Variants in SLCO4C1 observed in about 807,000 individuals in gnomAD.
SLCO4C1 encodes the protein solute carrier organic anion transporter family member 4C1.
SLCO4C1 carries 58 observed loss-of-function variants against 72.1 expected under a neutral mutation model. That is an observed-to-expected ratio of 0.80 (90% confidence interval 0.65 to 1.00). The LOEUF (loss-of-function observed/expected upper bound fraction) is 1.00, where lower values mean the gene tolerates loss of function less well. SLCO4C1 is among the 50% of genes least tolerant of loss of function. The pLI is 0.00. For synonymous variants in SLCO4C1, 297 were observed against 312.5 expected, an observed-to-expected ratio of 0.95 and a Z score of 0.52; for missense variants, 898 against 857.9, an observed-to-expected ratio of 1.05 and a Z score of -0.58.
intron 4 of SLCO4C1, among the ~76,000 whole-genome samples, chr5:102,262,360 G>A (rs1011386297): frequency 3.3e-5 from 5 of 152,106 alleles, no homozygotes; most frequent in Non-Finnish European, 7.4e-5. Context: ...CTTCTCTACT[G>A]TATTAAATTA....
rs1429138273 is a variant in SLCO4C1 at position 102,249,720 on chromosome 5, T to A, written c.1538A>T (p.Tyr513Phe). The A allele has an allele frequency of 3.7e-6, 6 of 1,614,000 alleles. No individual in the cohort carries two copies. The highest frequency in any genetic ancestry group is 5.1e-6 in the Non-Finnish European group (6 of 1,179,942). The change falls in exon 9 of 13, where the codon TAT (tyrosine) becomes TTT (phenylalanine). Residue 513 changes from tyrosine to phenylalanine, a missense_variant. Tyr to Phe is a conservative substitution (Grantham distance 22). Coordinates refer to ENST00000310954, the MANE Select transcript of SLCO4C1 (RefSeq NM_180991.5). ...TTGGACTCCATCTCCACAGACAGGA[T>A]AATAATATGATCGCGAACAGTTACA... ...ANCNCSRSYY[Y>F]PVCGDGVQYF...
chr5:102,253,004 T>C (rs1298172730), intron 8 of SLCO4C1, among the ~76,000 whole-genome samples: 1 of 152,192 alleles, frequency 6.6e-6, no homozygotes, highest in Non-Finnish European at 1.5e-5. Context: ...ATTATGCCTC[T>C]ATAACAGGCT....
intron 3 of SLCO4C1, among the ~76,000 whole-genome samples, chr5:102,266,810 C>T (rs990547317): frequency 6.6e-6 from 1 of 152,040 alleles, no homozygotes; most frequent in African/African-American, 2.4e-5. Context: ...CCTTTTATAC[C>T]TAATTTCTTA....
intron 8 of SLCO4C1, among the ~76,000 whole-genome samples, chr5:102,253,005 A>G (rs1326939887): frequency 1.3e-5 from 2 of 152,210 alleles, no homozygotes; most frequent in African/African-American, 4.8e-5. Context: ...TTATGCCTCT[A>G]TAACAGGCTA....
At chr5:102,254,724 C>T (rs1748802918) in intron 8 of SLCO4C1, among the ~76,000 whole-genome samples, 1 of 152,160 alleles carries the variant, frequency 6.6e-6, no homozygotes, top group Non-Finnish European at 1.5e-5. Context: ...AAGGTATATA[C>T]ATTGTACATT....
At chr5:102,251,217 T>C (rs1561368363) in intron 8 of SLCO4C1, among the ~76,000 whole-genome samples, 2 of 152,128 alleles carry the variant, frequency 1.3e-5, no homozygotes, top group Admixed American at 6.5e-5. Context: ...AGGTAATCGT[T>C]AAGGTATTTT....
At chr5:102,250,538 A>G (rs1748719431) in intron 8 of SLCO4C1, among the ~76,000 whole-genome samples, 1 of 152,178 alleles carries the variant, frequency 6.6e-6, no homozygotes, top group Non-Finnish European at 1.5e-5. Flanking sequence ...CACAGTTTAG[A>G]AGTAGAGAGG....
At chr5:102,269,425 T>C (rs547650187) in intron 3 of SLCO4C1, among the ~76,000 whole-genome samples, 1 of 152,262 alleles carries the variant, frequency 6.6e-6, no homozygotes, top group Middle Eastern at 3.4e-3. Flanking sequence ...TGGTCAGAAA[T>C]TCTTTCTGTT....
chr5:102,239,120 A>G (rs1748490072), intron 12 of SLCO4C1, 131 bp downstream of exon 12: 31 of 685,278 alleles, frequency 4.5e-5, no homozygotes, highest in Non-Finnish European at 6.6e-5. Flanking sequence ...TGCTTCAGGA[A>G]GACTACTGGA....
Position 102,259,456 on chromosome 5 carries a change from T to C in SLCO4C1, c.1128+757A>G, listed in dbSNP as rs536517358. On this transcript the variant is annotated intron_variant, in intron 6 of 12. Coordinates refer to ENST00000310954, the MANE Select transcript of SLCO4C1 (RefSeq NM_180991.5). ...TATCAGCAAAACACAAGAATGTGCA[T>C]GTATGGTGTGGAGAGTTGAAAGATG... 3.8e-3 allele frequency among the ~76,000 whole-genome samples: 571 copies of C among 152,200 alleles called. 10 individuals carry two copies. The highest frequency in any genetic ancestry group is 8.7e-4 in the Non-Finnish European group (59 of 67,968).
intron 2 of SLCO4C1, among the ~76,000 whole-genome samples, chr5:102,287,882 G>A (rs917466035): frequency 4.0e-5 from 6 of 151,712 alleles, no homozygotes; most frequent in Non-Finnish European, 7.4e-5. Context: ...CATCCCTTCC[G>A]TTTCTAAATG....
chr5:102,252,540 C>G (rs1329729409), intron 8 of SLCO4C1, among the ~76,000 whole-genome samples: 3 of 152,098 alleles, frequency 2.0e-5, no homozygotes, highest in Non-Finnish European at 4.4e-5. Context: ...AACATAGATG[C>G]AGAAATAAGA....
rs559042990 is a variant in SLCO4C1 at position 102,268,768 on chromosome 5, T to C, written c.802+1856A>G. Among the ~76,000 whole-genome samples the C allele has an allele frequency of 5.9e-5, 9 of 152,268 alleles. No homozygotes were observed. In the East Asian group the frequency reaches 1.5e-3, roughly 26 times the overall value. ...ATTGAGTTTTATGCTTTCACTTGTGTTCAGGGTGGTAATTATTGTCCTTTT... is the reference window on the plus strand; with the variant it reads ...ATTGAGTTTTATGCTTTCACTTGTGCTCAGGGTGGTAATTATTGTCCTTTT... On this transcript the variant is annotated intron_variant, in intron 3 of 12. Transcript: ENST00000310954.
At chr5:102,240,273 T>C (rs966621958) in intron 11 of SLCO4C1, among the ~76,000 whole-genome samples, 11 of 152,234 alleles carry the variant, frequency 7.2e-5, no homozygotes, top group Admixed American at 4.6e-4. Flanking sequence ...GTCCTGTACC[T>C]GGAACTTTAT....
At chr5:102,289,018 T>C (rs1200174036) in intron 2 of SLCO4C1, among the ~76,000 whole-genome samples, 2 of 152,210 alleles carry the variant, frequency 1.3e-5, no homozygotes, top group Non-Finnish European at 2.9e-5. Context: ...ATATATTGTA[T>C]GAATGGCAGA....
intron 2 of SLCO4C1, among the ~76,000 whole-genome samples, chr5:102,273,837 GATT>G (rs1749197921): frequency 6.6e-6 from 1 of 152,072 alleles, no homozygotes; most frequent in East Asian, 1.9e-4. Flanking sequence ...AATTTTGTGA[GATT>G]ATTAGTTGAG....
At chr5:102,239,836 A>G (rs1181079997) in intron 11 of SLCO4C1, among the ~76,000 whole-genome samples, 3 of 152,106 alleles carry the variant, frequency 2.0e-5, no homozygotes, top group Non-Finnish European at 4.4e-5. Context: ...TGTATGTATT[A>G]GTGTATGTAT....
intron 1 of SLCO4C1, among the ~76,000 whole-genome samples, chr5:102,293,564 G>T (rs1749593998): frequency 6.6e-6 from 1 of 152,024 alleles, no homozygotes; most frequent in Admixed American, 6.6e-5. Context: ...AGAAATGCTG[G>T]GTTAAATAAA....
At chr5:102,279,736 G>T (rs1236822913) in intron 2 of SLCO4C1, among the ~76,000 whole-genome samples, 1 of 151,936 alleles carries the variant, frequency 6.6e-6, no homozygotes. Flanking sequence ...GCCAGGTGAG[G>T]TTTATTCTGG....
Sources: allele counts gnomAD v4.1 joint callset (sites outside exome capture counted in the v4.1 genomes callset), GRCh38; gene constraint gnomAD v4.1.1; transcripts MANE v1.5; gene names NCBI Gene and HGNC (gene_info 2026-07-23, HGNC 2026-07-21).